FAM20C: variants seen among roughly 807,000 people sequenced by gnomAD.
FAM20C encodes the protein extracellular serine/threonine protein kinase FAM20C.
In FAM20C, 40 loss-of-function variants were observed where a neutral mutation model predicts 51.5. The observed-to-expected ratio is 0.78, with a 90% CI of 0.60 to 1.01. FAM20C has a LOEUF of 1.01. Ranked by LOEUF, FAM20C falls within the 50% of genes least tolerant of loss-of-function variation. The pLI is 0.00. For missense variants in FAM20C, 861 were observed against 844.7 expected (o/e 1.02, Z -0.24); for synonymous variants, 406 against 380.6 (o/e 1.07, Z -0.78).
intron 3 of FAM20C, chr7:229,274 C>A (rs1787568345): frequency 4.2e-6 from 1 of 236,512 alleles, no homozygotes; most frequent in Non-Finnish European, 8.5e-6. Context: ...TTTCTGGGAA[C>A]TTTGCTGCAA....
At chr7:245,929 T>A (rs1188321246) in intron 3 of FAM20C, 1 of 153,732 alleles carries the variant, frequency 6.5e-6, no homozygotes, top group East Asian at 1.9e-4. Context: ...CTGGAGGCCG[T>A]GGGGGAGACT....
chr7:236,115 G>C (rs1046068955), intron 3 of FAM20C, among the ~76,000 whole-genome samples: 4 of 152,220 alleles, frequency 2.6e-5, no homozygotes, highest in Non-Finnish European at 5.9e-5. Flanking sequence ...TCCGTGCAGA[G>C]GGTTCAGTAC....
Position 246,490 on chromosome 7 carries a change from T to C in FAM20C, c.939T>C (p.Ala313=), listed in dbSNP as rs2115146075. Residue 313 remains alanine (A), a synonymous_variant, in exon 4 of 10, where the codon GCT becomes GCC. Coordinates refer to ENST00000313766, the MANE Select transcript of FAM20C (RefSeq NM_020223.4). ...ACGAGAGGCACAATGCGGAGATTGC[T>C]GCCTTCCACCTGGACAGGTGAGCCC... ...SDYERHNAEI[A]AFHLDRILDF... 3.9e-6 allele frequency: 6 copies of C among 1,536,886 alleles called. No individual in the cohort carries two copies. Among genetic ancestry groups the C allele is most frequent in the Non-Finnish European group, 5.2e-6 (6 of 1,146,752 alleles).
intron 3 of FAM20C, among the ~76,000 whole-genome samples, chr7:220,432 A>G (rs1787207253): frequency 6.7e-6 from 1 of 150,360 alleles, no homozygotes; most frequent in South Asian, 2.1e-4. Flanking sequence ...ACGCACGTGA[A>G]CAAATACGCA....
intron 3 of FAM20C, 138 bp from the exon 4 acceptor site, chr7:246,277 G>A (rs1005795597): frequency 2.7e-5 from 20 of 731,526 alleles, no homozygotes; most frequent in Admixed American, 6.6e-5. Context: ...CCAGGGTCCC[G>A]AAGGCTCAGG....
At chr7:237,769 G>A (rs1787891808) in intron 3 of FAM20C, among the ~76,000 whole-genome samples, 1 of 151,850 alleles carries the variant, frequency 6.6e-6, no homozygotes, top group Non-Finnish European at 1.5e-5. Context: ...GATGGTGATG[G>A]TGATGATGAT....
chr7:236,301 T>C (rs1346562744), intron 3 of FAM20C, among the ~76,000 whole-genome samples: 2 of 152,156 alleles, frequency 1.3e-5, no homozygotes, highest in African/African-American at 4.8e-5. Flanking sequence ...ACCTTGCAGG[T>C]GCAGGGAGAA....
chr7:235,468 A>G (rs1245941592), intron 3 of FAM20C, among the ~76,000 whole-genome samples: 3 of 152,202 alleles, frequency 2.0e-5, no homozygotes, highest in Non-Finnish European at 4.4e-5. Context: ...ACCCCCGGGC[A>G]GGTGAAGTTC....
chr7:244,197 G>A (rs1048083158), intron 3 of FAM20C, among the ~76,000 whole-genome samples: 3 of 152,090 alleles, frequency 2.0e-5, no homozygotes, highest in Non-Finnish European at 2.9e-5. Context: ...GAGTCACTGT[G>A]CAGACGTAAG....
At chr7:250,975 G>T (rs566080330) in intron 5 of FAM20C, among the ~76,000 whole-genome samples, 1 of 152,218 alleles carries the variant, frequency 6.6e-6, no homozygotes, top group African/African-American at 2.4e-5. Flanking sequence ...GTTCAGGACC[G>T]ATTGAAAGAG....
chr7:226,884 G>C (rs1234096972), intron 3 of FAM20C, among the ~76,000 whole-genome samples: 2 of 152,142 alleles, frequency 1.3e-5, no homozygotes, highest in African/African-American at 4.8e-5. Flanking sequence ...ATGAATAAAT[G>C]GTAAAAACAG....
At chr7:220,774 G>A (rs1458251331) in intron 3 of FAM20C, among the ~76,000 whole-genome samples, 6 of 152,236 alleles carry the variant, frequency 3.9e-5, no homozygotes, top group Non-Finnish European at 7.3e-5. Context: ...AGGTCATCTG[G>A]TGCTCGAGCA....
chr7:259,676 G>A lies in FAM20C; in HGVS notation c.1506-55G>A, dbSNP rs36156024. 0.32 allele frequency: 465,615 copies of A among 1,448,978 alleles called. 77,492 individuals carry two copies. Among genetic ancestry groups the A allele is most frequent in the Non-Finnish European group, 0.34 (372,735 of 1,100,836 alleles). 89.8% of individuals were successfully genotyped at this position (1,448,978 alleles called of 1,614,324 possible). ...CCCTCTCACTTTCTCTCGCTTTCCC[G>A]TGGGCAGGCATCTCCCCTGTCCCGT... On this transcript the variant is annotated intron_variant, in intron 9 of 9. Transcript: ENST00000313766.
At position 195,455 on chromosome 7, in the gene FAM20C, C is replaced by T. The variant is rs1051501622; in HGVS notation, c.606-99C>T. 4 of 1,229,840 alleles carry T rather than the reference C, an allele frequency of 3.3e-6. No homozygotes were observed. In the African/African-American group the frequency reaches 6.2e-5, roughly 19 times the overall value. 76.2% of individuals were successfully genotyped at this position (1,229,840 alleles called of 1,614,324 possible). A position where few individuals can be genotyped will look rare whatever the true frequency, so the allele number is the denominator to read the frequency against. On this transcript the variant is annotated intron_variant, in intron 1 of 9. Transcript: ENST00000313766. Reference sequence around the variant, plus strand: ...TTCAACACATCTGCACTTGCTTGAACCCAAAGTTAAAAACACTGGCGTCGG... The same window carrying T: ...TTCAACACATCTGCACTTGCTTGAATCCAAAGTTAAAAACACTGGCGTCGG...
At chr7:245,851 G>A (rs1015707193) in intron 3 of FAM20C, 2 of 152,660 alleles carry the variant, frequency 1.3e-5, no homozygotes, top group Non-Finnish European at 1.5e-5. Context: ...TGGAGGGACA[G>A]GGCGGTGCCC....
In FAM20C at chr7:228,087, C is replaced by T. The variant is rs917628970; in HGVS notation, c.864-18328C>T. On this transcript the variant is annotated intron_variant, in intron 3 of 9. Transcript: ENST00000313766. ...CTGAAGCCCTTTAGCCGCACCACAG[C>T]GACCCGTCAGAGCTGATGGGGGACG... 22 of 240,154 alleles carry T rather than the reference C, an allele frequency of 9.2e-5. No homozygotes were observed. In the East Asian group the frequency reaches 1.7e-3, roughly 19 times the overall value. 14.9% of individuals were successfully genotyped at this position (240,154 alleles called of 1,614,324 possible).
intron 7 of FAM20C, 31 bp downstream of exon 7, chr7:256,794 G>A (rs1165131416): frequency 1.3e-6 from 2 of 1,526,294 alleles, no homozygotes; most frequent in Admixed American, 3.9e-5. Flanking sequence ...GGGTCCCCGT[G>A]TCACTCGCCT....
chr7:249,820 C>G (rs1375767008), intron 5 of FAM20C, among the ~76,000 whole-genome samples: 1 of 152,222 alleles, frequency 6.6e-6, no homozygotes, highest in Non-Finnish European at 1.5e-5. Flanking sequence ...CTCTCTGGTA[C>G]CAGGCCCCTG....
At chr7:198,071 C>T (rs1195041479) in intron 2 of FAM20C, among the ~76,000 whole-genome samples, 2 of 152,224 alleles carry the variant, frequency 1.3e-5, no homozygotes, top group African/African-American at 2.4e-5. Context: ...AAGGCCTGCC[C>T]CAGCTGATCT....
Sources: allele counts gnomAD v4.1 joint callset (sites outside exome capture counted in the v4.1 genomes callset), GRCh38; gene constraint gnomAD v4.1.1; transcripts MANE v1.5; gene names NCBI Gene and HGNC (gene_info 2026-07-23, HGNC 2026-07-21).